SDK1: variants seen among roughly 807,000 people sequenced by gnomAD.
SDK1 encodes the protein sidekick cell adhesion molecule 1, also known as protein sidekick-1.
In SDK1, 157 loss-of-function variants were observed where a neutral mutation model predicts 245.5. That is an observed-to-expected ratio of 0.64 (90% CI 0.56 to 0.73). The LOEUF (loss-of-function observed/expected upper bound fraction) is 0.73. Among genes scored for constraint, SDK1 ranks in the 30% least tolerant of loss-of-function variants. The pLI is 0.00. For synonymous variants in SDK1, 1,647 were observed against 1,278.5 expected (o/e 1.29, Z -6.15); for missense variants, 3,583 against 3,002.3 (o/e 1.19, Z -4.52).
chr7:3,455,718 T>C (rs985266480), intron 1 of SDK1, among the ~76,000 whole-genome samples: 1 of 152,204 alleles, frequency 6.6e-6, no homozygotes, highest in South Asian at 2.1e-4. Context: ...AGAGTGATTC[T>C]TCTCACTTTA....
Position 3,520,273 on chromosome 7 carries a change from C to G in SDK1, c.299-98807C>G, listed in dbSNP as rs1281182291. Among the ~76,000 whole-genome samples, 4 of 152,106 alleles carry G rather than the reference C, an allele frequency of 2.6e-5. 1 individual carries two copies. The highest frequency in any genetic ancestry group is 5.9e-5 in the Non-Finnish European group (4 of 68,026). ...TTCACCCTGCTTTCTTTTAGAGCTGCTGGATAAATTCTGTCCGGTTTCAAT... is the reference window on the plus strand; with the variant it reads ...TTCACCCTGCTTTCTTTTAGAGCTGGTGGATAAATTCTGTCCGGTTTCAAT... On this transcript the variant is annotated intron_variant, in intron 1 of 44. Coordinates refer to ENST00000404826, the MANE Select transcript of SDK1 (RefSeq NM_152744.4).
chr7:3,691,698 C>G (rs1199126730), intron 4 of SDK1, among the ~76,000 whole-genome samples: 1 of 152,186 alleles, frequency 6.6e-6, no homozygotes, highest in African/African-American at 2.4e-5. Flanking sequence ...AACACACACC[C>G]CTTGCTGGAA....
chr7:4,266,929 C>G lies in SDK1; in HGVS notation c.*1545C>G, dbSNP rs1162177237. On this transcript the variant is annotated 3_prime_UTR_variant, in exon 45 of 45. Coordinates refer to ENST00000404826, the MANE Select transcript of SDK1 (RefSeq NM_152744.4). The stretch of plus-strand genomic sequence containing the variant: ...CCAGTGACCTGAGGGTAGGGGACAA[C>G]TGAGCAGTATCTGACCAGTGCCACC... The G allele has an allele frequency of 1.0e-6, 1 of 985,516 alleles. No homozygotes were observed. The highest frequency in any genetic ancestry group is 1.7e-5 in the African/African-American group (1 of 57,372). The allele number at this position is 985,516 out of a possible 1,614,324, so 61.0% of individuals were successfully genotyped here.
intron 1 of SDK1, among the ~76,000 whole-genome samples, chr7:3,471,043 G>C (rs1239663479): frequency 2.6e-5 from 4 of 152,126 alleles, no homozygotes. Context: ...GATTCCATCA[G>C]CATCTGGCAA....
chr7:4,007,846 C>A (rs930133101), intron 14 of SDK1, among the ~76,000 whole-genome samples: 3 of 152,106 alleles, frequency 2.0e-5, no homozygotes, highest in Non-Finnish European at 4.4e-5. Context: ...CCTCGTGATC[C>A]ACCTGCCTCA....
chr7:4,019,459 C>T (rs1259457557), intron 17 of SDK1, among the ~76,000 whole-genome samples: 2 of 152,156 alleles, frequency 1.3e-5, no homozygotes, highest in Non-Finnish European at 2.9e-5. Flanking sequence ...AAGATAGTGG[C>T]ACAGTGGGTG....
At chr7:4,004,197 A>G (rs1013040597) in intron 14 of SDK1, among the ~76,000 whole-genome samples, 11 of 152,214 alleles carry the variant, frequency 7.2e-5, no homozygotes, top group Admixed American at 5.2e-4. Context: ...GCACTCTTCT[A>G]GTTGCTGAGG....
At chr7:3,702,162 C>T (rs1562382111) in intron 4 of SDK1, among the ~76,000 whole-genome samples, 1 of 152,068 alleles carries the variant, frequency 6.6e-6, no homozygotes, top group African/African-American at 2.4e-5. Flanking sequence ...AAATTTAAAA[C>T]ATCTGCTCTG....
intron 1 of SDK1, among the ~76,000 whole-genome samples, chr7:3,322,501 C>T (rs148010351): frequency 5.1e-4 from 78 of 152,222 alleles, no homozygotes; most frequent in African/African-American, 1.8e-3. Flanking sequence ...CTAGAAGTTG[C>T]ATTACTGGGT....
At chr7:3,315,147 T>C (rs1224396930) in intron 1 of SDK1, among the ~76,000 whole-genome samples, 2 of 152,144 alleles carry the variant, frequency 1.3e-5, no homozygotes, top group African/African-American at 2.4e-5. Context: ...ACAATGTTAG[T>C]ATTAAAAAGG....
At chr7:4,156,643 A>T (rs758885918) in intron 30 of SDK1, among the ~76,000 whole-genome samples, 3 of 152,220 alleles carry the variant, frequency 2.0e-5, no homozygotes, top group Non-Finnish European at 4.4e-5. Context: ...AATAGAATCT[A>T]ATCATGGTTT....
At chr7:3,594,207 G>A (rs1780980085) in intron 1 of SDK1, among the ~76,000 whole-genome samples, 1 of 152,124 alleles carries the variant, frequency 6.6e-6, no homozygotes, top group African/African-American at 2.4e-5. Context: ...ATCATACATA[G>A]ACGGTTTTTG....
chr7:3,686,704 T>C (rs1410911386), intron 4 of SDK1, among the ~76,000 whole-genome samples: 2 of 152,174 alleles, frequency 1.3e-5, no homozygotes, highest in African/African-American at 2.4e-5. Flanking sequence ...CTGACAGCTC[T>C]GAAGGAGAAG....
chr7:4,021,000 C>T (rs1012936841), intron 17 of SDK1, among the ~76,000 whole-genome samples: 1 of 152,172 alleles, frequency 6.6e-6, no homozygotes, highest in African/African-American at 2.4e-5. Flanking sequence ...TATTTGAATG[C>T]TTCCATAGGG....
At chr7:3,645,381 T>C (rs1782796957) in intron 4 of SDK1, among the ~76,000 whole-genome samples, 1 of 152,180 alleles carries the variant, frequency 6.6e-6, no homozygotes, top group South Asian at 2.1e-4. Flanking sequence ...CCCTTTAGTT[T>C]CGTATTTTCC....
At chr7:4,097,266 T>TCAGGAAGCAG (rs753459796) in intron 22 of SDK1, among the ~76,000 whole-genome samples, 45,280 of 151,882 alleles carry the variant, frequency 0.3, 8,010 homozygotes, top group African/African-American at 0.49. Flanking sequence ...ACAGCTCCTG[T>TCAGGAAGCAG]ACGGCCAGGG....
intron 1 of SDK1, among the ~76,000 whole-genome samples, chr7:3,473,663 A>G (rs956808359): frequency 2.8e-5 from 4 of 144,862 alleles, no homozygotes; most frequent in African/African-American, 9.9e-5. Flanking sequence ...CCAGGTACTA[A>G]TACATCTTGA....
intron 1 of SDK1, among the ~76,000 whole-genome samples, chr7:3,450,268 G>C (rs573759428): frequency 5.9e-5 from 9 of 152,300 alleles, no homozygotes; most frequent in Admixed American, 2.0e-4. Context: ...TAAGGTGACT[G>C]GTTTTGTCTT....
chr7:4,046,023 G>T (rs542102805), intron 17 of SDK1, among the ~76,000 whole-genome samples: 2 of 151,888 alleles, frequency 1.3e-5, no homozygotes, highest in African/African-American at 4.8e-5. Context: ...CACACTCCTG[G>T]GGTCAAGGGA....
Sources: gnomAD v4.1 joint callset for allele counts (sites outside exome capture counted in the v4.1 genomes callset) on GRCh38, gnomAD v4.1.1 for gene constraint, MANE v1.5 for transcripts, NCBI Gene and HGNC (gene_info 2026-07-23, HGNC 2026-07-21) for gene names.